The following VAPB variants were observed in gnomAD, a reference collection of about 807,000 sequenced individuals.
VAPB encodes VAMP associated protein B and C.
Under a neutral mutation model 25.6 loss-of-function variants are expected in VAPB, and 7 were observed. That is an observed-to-expected ratio of 0.27 (90% CI 0.16 to 0.51). VAPB has a LOEUF of 0.51. Among genes scored for constraint, VAPB ranks in the 20% least tolerant of loss-of-function variants. VAPB has a pLI of 0.97. For synonymous variants in VAPB, 112 were observed against 109.2 expected, an observed-to-expected ratio of 1.03 and a Z score of -0.16; for missense variants, 266 against 301.3, an observed-to-expected ratio of 0.88 and a Z score of 0.87.
At chr20:58,430,030 A>G (rs1337652062) in intron 2 of VAPB, among the ~76,000 whole-genome samples, 1 of 151,092 alleles carries the variant, frequency 6.6e-6, no homozygotes, top group African/African-American at 2.4e-5. Context: ...CAACATAGCA[A>G]GACCTCATCT....
chr20:58,427,052 T>G (rs753921609), intron 2 of VAPB, among the ~76,000 whole-genome samples: 7 of 151,670 alleles, frequency 4.6e-5, no homozygotes, highest in Admixed American at 1.3e-4. Context: ...TCTGTTACCA[T>G]TATGATGCAG....
intron 1 of VAPB, among the ~76,000 whole-genome samples, chr20:58,408,538 T>C (rs1362090520): frequency 6.6e-6 from 1 of 152,226 alleles, no homozygotes; most frequent in African/African-American, 2.4e-5. Flanking sequence ...TCCAGTGTCC[T>C]TATTCTTGAG....
chr20:58,409,186 G>C (rs1026643457), intron 1 of VAPB, among the ~76,000 whole-genome samples: 5 of 132,560 alleles, frequency 3.8e-5, no homozygotes, highest in Non-Finnish European at 6.7e-5. Context: ...TAATGAACAA[G>C]AGGGACAAAA....
At chr20:58,420,196 G>C (rs545455196) in intron 2 of VAPB, among the ~76,000 whole-genome samples, 1 of 152,256 alleles carries the variant, frequency 6.6e-6, no homozygotes, top group Admixed American at 6.5e-5. Context: ...TGTTGGCTAG[G>C]CTGGTCTCAA....
chr20:58,449,288 A>T lies in VAPB; in HGVS notation c.*5053A>T, dbSNP rs755462184. 1 of 451,756 alleles carries T rather than the reference A, an allele frequency of 2.2e-6. No homozygotes were observed. Among genetic ancestry groups the T allele is most frequent in the Admixed American group, 2.4e-5 (1 of 42,018 alleles). 28.0% of individuals were successfully genotyped at this position (451,756 alleles called of 1,614,324 possible). ...CCATGCCATGTTTTTGGCTGTATCT[A>T]CGGCACTTAACAATAGGGGCTTTTT... is the stretch of plus-strand genomic sequence containing the variant. On this transcript the variant is annotated 3_prime_UTR_variant, in exon 6 of 6. Coordinates refer to ENST00000475243, the MANE Select transcript of VAPB (RefSeq NM_004738.5).
chr20:58,443,317 C>T (rs905064757), intron 5 of VAPB, among the ~76,000 whole-genome samples: 1 of 151,494 alleles, frequency 6.6e-6, no homozygotes. Flanking sequence ...TCATTTGATC[C>T]AGCAGTCTGG....
Position 58,451,038 on chromosome 20 carries a change from A to G in VAPB, c.*6803A>G, listed in dbSNP as rs1345052460. The G allele has an allele frequency of 4.5e-6, 2 of 447,398 alleles. No individual in the cohort carries two copies. Among genetic ancestry groups the G allele is most frequent in the South Asian group, 3.2e-5 (2 of 63,472 alleles). The allele number at this position is 447,398 out of a possible 1,614,324, so 27.7% of individuals were successfully genotyped here. A position where few individuals can be genotyped will look rare whatever the true frequency, so the allele number is the denominator to read the frequency against. Reference sequence around the variant, plus strand: ...GATGAAACCTGCCCTGCCAAGGCATAAACTTTTGTACTAGCTGTCTCCATA... The same window carrying G: ...GATGAAACCTGCCCTGCCAAGGCATGAACTTTTGTACTAGCTGTCTCCATA... On this transcript the variant is annotated 3_prime_UTR_variant, in exon 6 of 6. Coordinates refer to ENST00000475243, the MANE Select transcript of VAPB (RefSeq NM_004738.5).
chr20:58,427,243 G>A (rs935549509), intron 2 of VAPB, among the ~76,000 whole-genome samples: 2 of 151,526 alleles, frequency 1.3e-5, no homozygotes, highest in East Asian at 3.9e-4. Context: ...TTATGATGCA[G>A]GCGAAAGTGA....
chr20:58,430,580 T>G (rs1988905353), intron 2 of VAPB, among the ~76,000 whole-genome samples: 1 of 151,778 alleles, frequency 6.6e-6, no homozygotes, highest in Non-Finnish European at 1.5e-5. Flanking sequence ...ATTTTTCTTT[T>G]TTTTTTTGTT....
Position 58,450,318 on chromosome 20 carries a change from A to G in VAPB, c.*6083A>G, listed in dbSNP as rs1388441765. 1 of 453,688 alleles carries G rather than the reference A, an allele frequency of 2.2e-6. No individual in the cohort carries two copies. Among genetic ancestry groups the G allele is most frequent in the Admixed American group, 2.4e-5 (1 of 42,532 alleles). The allele number at this position is 453,688 out of a possible 1,614,324, so 28.1% of individuals were successfully genotyped here. A position where few individuals can be genotyped will look rare whatever the true frequency, so the allele number is the denominator to read the frequency against. The stretch of plus-strand genomic sequence containing the variant: ...CAAGAACTACTTTTTGCTTTTCATC[A>G]TTCACTCCTTAGCAAACGTTTCGTA... On this transcript the variant is annotated 3_prime_UTR_variant, in exon 6 of 6. Transcript: ENST00000475243.
intron 1 of VAPB, among the ~76,000 whole-genome samples, chr20:58,392,467 T>TTCTAAA: frequency 6.6e-6 from 1 of 152,350 alleles, no homozygotes; most frequent in African/African-American, 2.4e-5. Context: ...AAGAGACATC[T>TTCTAAA]GTGTGTGTTC....
chr20:58,410,509 T>TGGGTTCAAACTGTTCTCCTGCC (rs1988351196), intron 1 of VAPB, among the ~76,000 whole-genome samples: 1 of 152,116 alleles, frequency 6.6e-6, no homozygotes, highest in Non-Finnish European at 1.5e-5. Flanking sequence ...CTTCGCCTCC[T>TGGGTTCAAACTGTTCTCCTGCC]GGGTTCAAAC....
At position 58,444,070 on chromosome 20, in the gene VAPB, C is replaced by T. The variant is rs924741760; in HGVS notation, c.574-7C>T. The T allele has an allele frequency of 3.7e-6, 6 of 1,614,026 alleles. No homozygotes were observed. In the African/African-American group the frequency reaches 6.7e-5, roughly 18 times the overall value. ...CTTGTCTTTGAAATGTGCGTTTGCT[C>T]CCGTAGGAAGAAGATGGACTGCGGA... On this transcript the variant is annotated splice_polypyrimidine_tract_variant and splice_region_variant and intron_variant, in intron 5 of 5. Coordinates refer to ENST00000475243, the MANE Select transcript of VAPB (RefSeq NM_004738.5).
chr20:58,447,746 A>G lies in VAPB; in HGVS notation c.*3511A>G, dbSNP rs1169888026. 2.2e-6 allele frequency: 1 copy of G among 453,688 alleles called. No individual in the cohort carries two copies. Among genetic ancestry groups the G allele is most frequent in the African/African-American group, 2.0e-5 (1 of 49,986 alleles). 28.1% of individuals were successfully genotyped at this position (453,688 alleles called of 1,614,324 possible). A position where few individuals can be genotyped will look rare whatever the true frequency, so the allele number is the denominator to read the frequency against. The stretch of plus-strand genomic sequence containing the variant: ...TCAAATCGTGCCTATATTTTTTTGC[A>G]TACACAAATTTTTGTGTTTGCAAAC... On this transcript the variant is annotated 3_prime_UTR_variant, in exon 6 of 6. Coordinates refer to ENST00000475243, the MANE Select transcript of VAPB (RefSeq NM_004738.5).
At position 58,449,980 on chromosome 20, in the gene VAPB, A is replaced by G. The variant is rs1187692786; in HGVS notation, c.*5745A>G. On this transcript the variant is annotated 3_prime_UTR_variant, in exon 6 of 6. Transcript: ENST00000475243. ...ATGCCAACTAAGGGAGACTAATCAG[A>G]TATCTTAACACAATTTCATCCAGGC... The G allele has an allele frequency of 1.5e-5, 7 of 453,900 alleles. No homozygotes were observed. The highest frequency in any genetic ancestry group is 9.4e-5 in the Admixed American group (4 of 42,548). 28.1% of individuals were successfully genotyped at this position (453,900 alleles called of 1,614,324 possible). A position where few individuals can be genotyped will look rare whatever the true frequency, so the allele number is the denominator to read the frequency against.
Position 58,445,422 on chromosome 20 carries a change from A to G in VAPB, c.*1187A>G, listed in dbSNP as rs2066111719. 1 of 454,538 alleles carries G rather than the reference A, an allele frequency of 2.2e-6. No homozygotes were observed. Among genetic ancestry groups the G allele is most frequent in the Non-Finnish European group, 4.4e-6 (1 of 226,780 alleles). The allele number at this position is 454,538 out of a possible 1,614,324, so 28.2% of individuals were successfully genotyped here. ...GAGCAAGGGAAGAGAGAAACTCTTC[A>G]GCGAATCCTTCTAGTACTAGTTGAG... On this transcript the variant is annotated 3_prime_UTR_variant, in exon 6 of 6. Coordinates refer to ENST00000475243, the MANE Select transcript of VAPB (RefSeq NM_004738.5).
rs542789043 is a variant in VAPB at position 58,434,124 on chromosome 20, A to G, written c.212-478A>G. ...TCTAGCTTTATGTTGGCAAAATTGT[A>G]TTTCAAGGATTACCTTGATTAGCTA... On this transcript the variant is annotated intron_variant, in intron 2 of 5. Coordinates refer to ENST00000475243, the MANE Select transcript of VAPB (RefSeq NM_004738.5). Among the ~76,000 whole-genome samples, 4 of 152,334 alleles carry G rather than the reference A, an allele frequency of 2.6e-5. No individual in the cohort carries two copies. The East Asian group carries it at 7.7e-4, about 29-fold the overall frequency.
intron 1 of VAPB, among the ~76,000 whole-genome samples, chr20:58,397,670 C>T (rs1323762065): frequency 2.6e-4 from 40 of 152,134 alleles, no homozygotes; most frequent in Admixed American, 2.6e-3. Context: ...GTAAAGGGCA[C>T]TTATTAAGAT....
At chr20:58,436,687 T>C (rs1023904264) in intron 3 of VAPB, among the ~76,000 whole-genome samples, 21 of 152,146 alleles carry the variant, frequency 1.4e-4, no homozygotes, top group African/African-American at 3.9e-4. Context: ...GTTGAAAAAA[T>C]AGCATGGTGA....
Sources: gnomAD v4.1 joint callset for allele counts (sites outside exome capture counted in the v4.1 genomes callset) on GRCh38, gnomAD v4.1.1 for gene constraint, MANE v1.5 for transcripts, NCBI Gene and HGNC (gene_info 2026-07-23, HGNC 2026-07-21) for gene names.